CRTC3: variants seen among roughly 807,000 people sequenced by gnomAD.
The protein encoded by CRTC3 is CREB-regulated transcription coactivator 3.
A neutral mutation model predicts 74.5 loss-of-function variants in CRTC3; 26 were observed. That is an observed-to-expected ratio of 0.35 (90% CI 0.26 to 0.48). The LOEUF (loss-of-function observed/expected upper bound fraction) is 0.48. Ranked by LOEUF, CRTC3 falls within the 20% of genes least tolerant of loss-of-function variation. The probability of loss-of-function intolerance (pLI) is 0.99; values close to 1 mark genes in which losing one functional copy is unlikely to be tolerated. For synonymous variants in CRTC3, 377 were observed against 325.8 expected (o/e 1.16, Z -1.69); for missense variants, 760 against 787.3 (o/e 0.97, Z 0.41).
chr15:90,553,404 T>C (rs560680484), intron 2 of CRTC3, among the ~76,000 whole-genome samples: 4 of 152,340 alleles, frequency 2.6e-5, no homozygotes, highest in African/African-American at 9.6e-5. Flanking sequence ...TGTCCCGAAA[T>C]AGGAGCTGTG....
intron 9 of CRTC3, among the ~76,000 whole-genome samples, chr15:90,620,944 C>G (rs1968629218): frequency 6.6e-6 from 1 of 152,162 alleles, no homozygotes; most frequent in Admixed American, 6.5e-5. Flanking sequence ...CTCAGACATT[C>G]TTTCTGGCAG....
chr15:90,580,255 A>C (rs910446432), intron 2 of CRTC3, among the ~76,000 whole-genome samples: 1 of 152,078 alleles, frequency 6.6e-6, no homozygotes, highest in Non-Finnish European at 1.5e-5. Context: ...AAGGTTCAGC[A>C]CTGAAGCCGG....
At chr15:90,569,878 C>T (rs1967220683) in intron 2 of CRTC3, among the ~76,000 whole-genome samples, 1 of 152,124 alleles carries the variant, frequency 6.6e-6, no homozygotes, top group Non-Finnish European at 1.5e-5. Context: ...TTTGGGGACA[C>T]TATCCTAAGA....
At chr15:90,579,288 G>A (rs1967480265) in intron 2 of CRTC3, among the ~76,000 whole-genome samples, 3 of 152,100 alleles carry the variant, frequency 2.0e-5, no homozygotes, top group Non-Finnish European at 4.4e-5. Context: ...TCTGTAGGGG[G>A]CCCTGGAACC....
chr15:90,644,321 A>G lies in CRTC3; in HGVS notation c.*2181A>G, dbSNP rs75341418. 0.016 allele frequency: 3,722 copies of G among 230,046 alleles called. 140 individuals are homozygous for G. Among genetic ancestry groups the G allele is most frequent in the African/African-American group, 0.075 (3,411 of 45,204 alleles). 14.3% of individuals were successfully genotyped at this position (230,046 alleles called of 1,614,324 possible). ...TCAAAGGGCTTCCAAACCTGATCTC[A>G]CTCTCAACAGGCGATGGTGCTGATG... On this transcript the variant is annotated 3_prime_UTR_variant, in exon 15 of 15. Transcript: ENST00000268184.
At chr15:90,534,604 T>C (rs1440784897) in intron 1 of CRTC3, among the ~76,000 whole-genome samples, 1 of 152,052 alleles carries the variant, frequency 6.6e-6, no homozygotes, top group Non-Finnish European at 1.5e-5. Context: ...ACAATGAATA[T>C]TGGGATTTTA....
chr15:90,638,269 G>A, intron 11 of CRTC3, 177 bp from the exon 12 acceptor site: 1 of 581,544 alleles, frequency 1.7e-6, no homozygotes, highest in Non-Finnish European at 3.1e-6. Context: ...GCTTTGTGGG[G>A]AAGTAAAATT....
intron 4 of CRTC3, among the ~76,000 whole-genome samples, chr15:90,603,827 C>G (rs1181489560): frequency 2.6e-5 from 4 of 152,150 alleles, no homozygotes; most frequent in Non-Finnish European, 5.9e-5. Context: ...AACAGTGGGT[C>G]CCCACCTCAG....
Position 90,641,960 on chromosome 15 carries a change from C to T in CRTC3, c.1680C>T (p.Asp560=). ...PEDSSTSLFK[D]LNSALAGLPE... ...ACTCCAGCACCAGCCTGTTCAAAGA[C>T]CTCAACAGTGCGCTGGCAGGCCTGC... The change falls in exon 15 of 15, where the codon GAC becomes GAT. Residue 560 remains aspartate (D), a synonymous_variant. Coordinates refer to ENST00000268184, the MANE Select transcript of CRTC3 (RefSeq NM_022769.5). 3 of 1,613,738 alleles carry T rather than the reference C, an allele frequency of 1.9e-6. No individual in the cohort carries two copies. Among genetic ancestry groups the T allele is most frequent in the Non-Finnish European group, 2.5e-6 (3 of 1,179,894 alleles).
intron 9 of CRTC3, among the ~76,000 whole-genome samples, chr15:90,622,693 A>T (rs1016115490): frequency 1.3e-5 from 2 of 152,100 alleles, no homozygotes; most frequent in African/African-American, 4.8e-5. Flanking sequence ...TCTACTAAAA[A>T]TACAAAAATT....
intron 2 of CRTC3, among the ~76,000 whole-genome samples, chr15:90,546,903 G>A (rs60885454): frequency 0.25 from 38,034 of 152,090 alleles, 5,141 homozygotes; most frequent in East Asian, 0.45. Context: ...GATTACAGGC[G>A]TGAGCCACAA....
chr15:90,593,273 C>T (rs1040485197), intron 2 of CRTC3, among the ~76,000 whole-genome samples: 3 of 152,210 alleles, frequency 2.0e-5, no homozygotes, highest in African/African-American at 4.8e-5. Flanking sequence ...ATAGGTGCCT[C>T]GTGGCTTGCC....
At chr15:90,630,475 T>G (rs991929126) in intron 11 of CRTC3, among the ~76,000 whole-genome samples, 10 of 152,162 alleles carry the variant, frequency 6.6e-5, no homozygotes, top group Non-Finnish European at 8.8e-5. Context: ...ATTAGCTGGG[T>G]GTGGTGGCAC....
In CRTC3 at chr15:90,530,022, C is replaced by T. The variant is rs1244736041; in HGVS notation, c.-50C>T. ...GTGGACGGACGGGTGGGCCGAGGTA[C>T]AGGCCCCACGGCCGCCGTCTCCCGC... is the stretch of plus-strand genomic sequence containing the variant. On this transcript the variant is annotated 5_prime_UTR_variant, in exon 1 of 15. Coordinates refer to ENST00000268184, the MANE Select transcript of CRTC3 (RefSeq NM_022769.5). This position sits in a 1 kb window ranked among gnomAD's most constrained non-coding sequence, Gnocchi z 6.2. 3 of 1,343,468 alleles carry T rather than the reference C, an allele frequency of 2.2e-6. No individual in the cohort carries two copies. The highest frequency in any genetic ancestry group is 2.8e-4 in the Middle Eastern group (1 of 3,512). 83.2% of individuals were successfully genotyped at this position (1,343,468 alleles called of 1,614,324 possible). A position where few individuals can be genotyped will look rare whatever the true frequency, so the allele number is the denominator to read the frequency against.
chr15:90,632,605 C>G (rs568878406), intron 11 of CRTC3, among the ~76,000 whole-genome samples: 1 of 152,158 alleles, frequency 6.6e-6, no homozygotes, highest in East Asian at 1.9e-4. Flanking sequence ...TTTGGTATAA[C>G]CATGTTATTA....
intron 3 of CRTC3, among the ~76,000 whole-genome samples, chr15:90,601,441 G>A (rs1031943934): frequency 6.6e-6 from 1 of 152,152 alleles, no homozygotes; most frequent in African/African-American, 2.4e-5. Context: ...CCTGAGGTCA[G>A]GAGTTCAAGA....
intron 2 of CRTC3, among the ~76,000 whole-genome samples, chr15:90,571,316 A>G (rs1436933574): frequency 1.3e-5 from 2 of 152,198 alleles, no homozygotes; most frequent in Admixed American, 1.3e-4. Flanking sequence ...AGGAGGTCCC[A>G]GGAAAGGCTT....
intron 2 of CRTC3, among the ~76,000 whole-genome samples, chr15:90,551,938 A>ACG (rs935782968): frequency 0.019 from 602 of 30,876 alleles, 14 homozygotes; most frequent in African/African-American, 0.052. Context: ...ACGCACACAC[A>ACG]CACACGCACA....
intron 11 of CRTC3, among the ~76,000 whole-genome samples, chr15:90,631,116 TTAA>T (rs72005997): frequency 0.61 from 61,762 of 101,094 alleles, 20,314 homozygotes; most frequent in Non-Finnish European, 0.72. Flanking sequence ...TCGCCATAAA[TTAA>T]TGATTTAGAA....
Sources: gnomAD v4.1 joint callset for allele counts (sites outside exome capture counted in the v4.1 genomes callset) on GRCh38, gnomAD v4.1.1 for gene constraint, Gnocchi (gnomAD v3.1) non-coding constraint, MANE v1.5 for transcripts, NCBI Gene and HGNC (gene_info 2026-07-23, HGNC 2026-07-21) for gene names.